Variants in LPA observed in about 807,000 individuals in gnomAD.
LPA encodes lipoprotein(a).
A neutral mutation model predicts 197.9 loss-of-function variants in LPA; 199 were observed. The ratio of observed to expected loss-of-function variants is 1.01; its 90% CI spans 0.90 to 1.13. The LOEUF (loss-of-function observed/expected upper bound fraction) is 1.13, where lower values mean the gene tolerates loss of function less well. Ranked by LOEUF, LPA falls within the 50% of genes most tolerant of loss-of-function variation. The pLI is 0.00. For missense variants in LPA, 1,853 were observed against 1,785.8 expected, an observed-to-expected ratio of 1.04 and a Z score of -0.68; for synonymous variants, 715 against 639.5, an observed-to-expected ratio of 1.12 and a Z score of -1.78.
Position 160,606,554 on chromosome 6 carries a change from C to T in LPA, c.2708G>A (p.Cys903Tyr), listed in dbSNP as rs770999731. 2 of 1,613,692 alleles carry T rather than the reference C, an allele frequency of 1.2e-6. No individual in the cohort carries two copies. Among genetic ancestry groups the T allele is most frequent in the South Asian group, 1.1e-5 (1 of 91,066 alleles). Residue 903 changes from cysteine (C) to tyrosine (Y), a missense_variant, in exon 17 of 39, where the codon TGC becomes TAC. Physicochemically the swap from Cys to Tyr is radical, Grantham distance 194 (BLOSUM62 -2). This residue lies in a region of LPA where 1,737 missense variants were observed against 1,504.4 expected (regional missense o/e 1.15). Coordinates refer to ENST00000316300, the MANE Select transcript of LPA (RefSeq NM_005577.4). ...GACGGCAGTCCCTTCTGCGTCTGAG[C>T]ATTGTGTCAGGTTGCAGTACTCCCA... is the stretch of plus-strand genomic sequence containing the variant. ...VRWEYCNLTQCSDAEGTAVAP... is the reference protein window; with the variant it reads ...VRWEYCNLTQYSDAEGTAVAP...
chr6:160,539,631 A>G (rs1261030407), intron 36 of LPA, among the ~76,000 whole-genome samples: 1 of 152,192 alleles, frequency 6.6e-6, no homozygotes, highest in Non-Finnish European at 1.5e-5. Context: ...AGCAGTGATT[A>G]GAGGCGCCCA....
At chr6:160,545,246 T>A (rs1778047001) in intron 33 of LPA, among the ~76,000 whole-genome samples, 194 bp downstream of exon 33, 1 of 151,858 alleles carries the variant, frequency 6.6e-6, no homozygotes, top group South Asian at 2.1e-4. Context: ...GGGGCGGGTG[T>A]TTTCCTAACA....
chr6:160,606,318 G>A (rs537292757), intron 17 of LPA, among the ~76,000 whole-genome samples, 159 bp downstream of exon 17: 2 of 152,122 alleles, frequency 1.3e-5, no homozygotes, highest in Non-Finnish European at 2.9e-5. Context: ...CAATCCGCTG[G>A]CTCCCCCAGA....
At chr6:160,595,213 T>A in intron 21 of LPA, 141 bp downstream of exon 21, 1 of 1,028,070 alleles carries the variant, frequency 9.7e-7, no homozygotes, top group South Asian at 1.3e-5. Flanking sequence ...AGGCGCTGAG[T>A]GTTCCTTCCC....
At chr6:160,611,440 T>A (rs1012226306) in intron 16 of LPA, 122 bp downstream of exon 16, 1 of 1,518,110 alleles carries the variant, frequency 6.6e-7, no homozygotes. Context: ...TCCTGAGACA[T>A]TTTGCTACAC....
At chr6:160,591,755 A>G (rs1338198807) in intron 22 of LPA, among the ~76,000 whole-genome samples, 2 of 152,188 alleles carry the variant, frequency 1.3e-5, no homozygotes, top group East Asian at 1.9e-4. Context: ...CTTTTCAAAG[A>G]ACCAACTTTC....
chr6:160,641,078 T>C (rs1369377112), intron 4 of LPA, among the ~76,000 whole-genome samples: 2 of 138,902 alleles, frequency 1.4e-5, no homozygotes, highest in Admixed American at 1.4e-4. Flanking sequence ...AAATCTAAAG[T>C]AGCAAACGCT....
At chr6:160,584,635 A>G (rs1373309845) in intron 26 of LPA, among the ~76,000 whole-genome samples, 1 of 152,030 alleles carries the variant, frequency 6.6e-6, no homozygotes, top group Admixed American at 6.6e-5. Flanking sequence ...CCCAGCCTGA[A>G]TTTGTTACTT....
chr6:160,558,811 G>C (rs946575731), intron 28 of LPA, among the ~76,000 whole-genome samples: 2 of 152,128 alleles, frequency 1.3e-5, no homozygotes, highest in Admixed American at 6.6e-5. Flanking sequence ...TCCTAGGAAC[G>C]TTGACCCAAC....
At chr6:160,534,393 G>A (rs894698711) in intron 37 of LPA, among the ~76,000 whole-genome samples, 3 of 152,184 alleles carry the variant, frequency 2.0e-5, no homozygotes, top group African/African-American at 4.8e-5. Context: ...CGTGGCCAAT[G>A]TAGAGATGGC....
At position 160,555,952 on chromosome 6, in the gene LPA, C is replaced by T. The variant is rs958886638; in HGVS notation, c.4973+73G>A. 6.6e-6 allele frequency: 8 copies of T among 1,206,174 alleles called. No individual in the cohort carries two copies. In the South Asian group the frequency reaches 7.3e-5, roughly 11 times the overall value. The allele number at this position is 1,206,174 out of a possible 1,614,324, so 74.7% of individuals were successfully genotyped here. On this transcript the variant is annotated intron_variant, in intron 30 of 38. Coordinates refer to ENST00000316300, the MANE Select transcript of LPA (RefSeq NM_005577.4). ...AGGGAAATTTGTCCTAACAAGTTAGCTTGAAGCAAGGCTCTTCTAGGAGGA... is the reference window on the plus strand; with the variant it reads ...AGGGAAATTTGTCCTAACAAGTTAGTTTGAAGCAAGGCTCTTCTAGGAGGA...
Position 160,563,888 on chromosome 6 carries a change from C to T in LPA, c.4632-6317G>A, listed in dbSNP as rs187319745. On this transcript the variant is annotated intron_variant, in intron 28 of 38. Coordinates refer to ENST00000316300, the MANE Select transcript of LPA (RefSeq NM_005577.4). ...TCATCAAAGACTAAGATTGCAACCGCTGCTTTTTTTTTCTTTCCATTTGCT... is the reference window on the plus strand; with the variant it reads ...TCATCAAAGACTAAGATTGCAACCGTTGCTTTTTTTTTCTTTCCATTTGCT... Among the ~76,000 whole-genome samples, 19 of 152,182 alleles carry T rather than the reference C, an allele frequency of 1.2e-4. No individual in the cohort carries two copies. In the East Asian group the frequency reaches 3.1e-3, roughly 25 times the overall value.
At chr6:160,647,634 G>C (rs1779922410) in intron 2 of LPA, among the ~76,000 whole-genome samples, 1 of 152,074 alleles carries the variant, frequency 6.6e-6, no homozygotes, top group African/African-American at 2.4e-5. Flanking sequence ...AAAACTTTGT[G>C]ATTGCTCTAG....
intron 23 of LPA, among the ~76,000 whole-genome samples, chr6:160,590,569 A>G (rs1779006244): frequency 6.6e-6 from 1 of 152,238 alleles, no homozygotes; most frequent in Non-Finnish European, 1.5e-5. Flanking sequence ...GAAGTTTGCA[A>G]TGAGTACTGT....
At chr6:160,576,439 T>G (rs1409858793) in intron 28 of LPA, among the ~76,000 whole-genome samples, 1 of 131,694 alleles carries the variant, frequency 7.6e-6, no homozygotes, top group African/African-American at 2.8e-5. Flanking sequence ...TATACACACA[T>G]GCACACATAT....
chr6:160,654,437 C>A (rs1029504693), intron 1 of LPA, among the ~76,000 whole-genome samples: 1 of 151,890 alleles, frequency 6.6e-6, no homozygotes, highest in African/African-American at 2.4e-5. Context: ...TTTTGCCACA[C>A]CCTCACAGAC....
At position 160,589,697 on chromosome 6, in the gene LPA, C is replaced by A. The variant is rs778268218; in HGVS notation, c.3803G>T (p.Ser1268Ile). ...AVSEQAPTEQ[S>I]PTVQDCYHGD... Reference sequence around the variant, plus strand: ...ATGGTAGCAGTCCTGGACTGTGGGGCTTTGCTCCGTTGGTGCTGAAATTCA... The same window carrying A: ...ATGGTAGCAGTCCTGGACTGTGGGGATTTGCTCCGTTGGTGCTGAAATTCA... Residue 1268 changes from serine (S) to isoleucine (I), a missense_variant, in exon 24 of 39, where the codon AGC becomes ATC. Transcript: ENST00000316300. 6.2e-7 allele frequency: 1 copy of A among 1,613,838 alleles called. No individual in the cohort carries two copies. The highest frequency in any genetic ancestry group is 8.5e-7 in the Non-Finnish European group (1 of 1,179,810).
chr6:160,592,295 C>T (rs1353848553), intron 22 of LPA, among the ~76,000 whole-genome samples: 1 of 152,190 alleles, frequency 6.6e-6, no homozygotes, highest in African/African-American at 2.4e-5. Flanking sequence ...TTCTCGTTCA[C>T]CTTTTCCTAC....
At chr6:160,537,438 G>A (rs1177170620) in intron 37 of LPA, among the ~76,000 whole-genome samples, 4 of 152,180 alleles carry the variant, frequency 2.6e-5, no homozygotes, top group Non-Finnish European at 4.4e-5. Context: ...ACCATGTTTA[G>A]AAACGCAGTC....
Sources: allele counts gnomAD v4.1 joint callset (sites outside exome capture counted in the v4.1 genomes callset), GRCh38; gene constraint gnomAD v4.1.1; regional missense constraint gnomAD v4.1.1; transcripts MANE v1.5; gene names NCBI Gene and HGNC (gene_info 2026-07-23, HGNC 2026-07-21).